Variants in PTPRD observed in about 807,000 individuals in gnomAD.
PTPRD encodes the protein protein tyrosine phosphatase receptor type D, also known as receptor-type tyrosine-protein phosphatase delta.
In PTPRD, 34 loss-of-function variants were observed where a neutral mutation model predicts 214.5. The observed-to-expected ratio is 0.16, with a 90% CI of 0.12 to 0.21. The LOEUF (loss-of-function observed/expected upper bound fraction) is 0.21, where lower values mean the gene tolerates loss of function less well. PTPRD is among the 10% of genes least tolerant of loss of function. The probability of loss-of-function intolerance (pLI) is 1.00; values close to 1 mark genes in which losing one functional copy is unlikely to be tolerated. For synonymous variants in PTPRD, 1,128 were observed against 845.7 expected, an observed-to-expected ratio of 1.33 and a Z score of -5.79; for missense variants, 2,545 against 2,398.7, an observed-to-expected ratio of 1.06 and a Z score of -1.27.
At chr9:8,547,403 G>A (rs1334993097) in intron 14 of PTPRD, among the ~76,000 whole-genome samples, 2 of 152,156 alleles carry the variant, frequency 1.3e-5, no homozygotes, top group Admixed American at 1.3e-4. Context: ...AGCACTTTGG[G>A]AGGCCAAGGT....
At chr9:9,560,380 A>G (rs533365399) in intron 8 of PTPRD, among the ~76,000 whole-genome samples, 1 of 152,354 alleles carries the variant, frequency 6.6e-6, no homozygotes, top group South Asian at 2.1e-4. Flanking sequence ...GGGACTAGGC[A>G]TGTATTTCCC....
At chr9:9,423,506 G>T (rs1217165637) in intron 8 of PTPRD, among the ~76,000 whole-genome samples, 1 of 152,098 alleles carries the variant, frequency 6.6e-6, no homozygotes, top group Non-Finnish European at 1.5e-5. Context: ...ACAACCTAGG[G>T]TAGAGAATTA....
chr9:9,364,395 T>C (rs746336235), intron 9 of PTPRD, among the ~76,000 whole-genome samples: 3 of 151,352 alleles, frequency 2.0e-5, no homozygotes, highest in Non-Finnish European at 1.5e-5. Flanking sequence ...ATGTCAGATA[T>C]TGGTGAGTGT....
At chr9:10,144,126 T>C (rs925385068) in intron 3 of PTPRD, among the ~76,000 whole-genome samples, 2 of 152,118 alleles carry the variant, frequency 1.3e-5, no homozygotes, top group African/African-American at 2.4e-5. Flanking sequence ...TAAAAATAAA[T>C]AGAGAATAAA....
At chr9:9,990,998 G>T (rs578007048) in intron 4 of PTPRD, among the ~76,000 whole-genome samples, 72 of 149,932 alleles carry the variant, frequency 4.8e-4, no homozygotes, top group Middle Eastern at 3.5e-3. Context: ...GCAGTGGCGT[G>T]ATCTCGGCTC....
intron 7 of PTPRD, among the ~76,000 whole-genome samples, chr9:9,647,499 G>A (rs1447440295): frequency 6.6e-6 from 1 of 152,084 alleles, no homozygotes; most frequent in Non-Finnish European, 1.5e-5. Flanking sequence ...GAATATGTGT[G>A]CTTACTTTTG....
intron 10 of PTPRD, among the ~76,000 whole-genome samples, chr9:9,180,341 G>C (rs868041997): frequency 6.6e-6 from 1 of 150,570 alleles, no homozygotes; most frequent in African/African-American, 2.4e-5. Flanking sequence ...GCAAACTATC[G>C]CAAGGACAAA....
intron 2 of PTPRD, among the ~76,000 whole-genome samples, chr9:10,398,002 A>G (rs750719224): frequency 2.0e-5 from 3 of 151,830 alleles, no homozygotes; most frequent in Non-Finnish European, 2.9e-5. Flanking sequence ...AATTGTATGC[A>G]TCATCCATTG....
chr9:9,740,358 AC>A (rs2098381371), intron 6 of PTPRD, among the ~76,000 whole-genome samples: 2 of 136,584 alleles, frequency 1.5e-5, no homozygotes, highest in Admixed American at 7.2e-5. Flanking sequence ...CTCTAAAACT[AC>A]TATTTTTTTT....
intron 10 of PTPRD, among the ~76,000 whole-genome samples, chr9:9,081,329 T>C (rs113138178): frequency 1.3e-5 from 2 of 152,276 alleles, no homozygotes; most frequent in African/African-American, 4.8e-5. Flanking sequence ...TAATCTTGAG[T>C]TCTAATTTGA....
chr9:10,604,176 T>A (rs2078699546), intron 2 of PTPRD, among the ~76,000 whole-genome samples: 1 of 668 alleles, frequency 1.5e-3, no homozygotes, highest in African/African-American at 1.9e-3. Flanking sequence ...TATTCTGACC[T>A]ATTCTGACCA....
chr9:8,506,716 T>G (rs945732174), intron 22 of PTPRD, among the ~76,000 whole-genome samples: 12 of 152,230 alleles, frequency 7.9e-5, no homozygotes, highest in Non-Finnish European at 2.9e-5. Flanking sequence ...ATATTGATTT[T>G]CATTTCTCTT....
chr9:8,806,059 G>A (rs943524590), intron 11 of PTPRD, among the ~76,000 whole-genome samples: 5 of 151,352 alleles, frequency 3.3e-5, no homozygotes, highest in African/African-American at 1.2e-4. Context: ...GAGTAGCTGG[G>A]ATTACAGGTG....
At chr9:9,587,554 G>C (rs2092197506) in intron 7 of PTPRD, among the ~76,000 whole-genome samples, 1 of 134,084 alleles carries the variant, frequency 7.5e-6, no homozygotes, top group Non-Finnish European at 1.7e-5. Context: ...AGACCAGTTT[G>C]CTTCCTTCTA....
At chr9:8,561,243 A>G (rs2141266442) in intron 14 of PTPRD, among the ~76,000 whole-genome samples, 1 of 152,020 alleles carries the variant, frequency 6.6e-6, no homozygotes, top group South Asian at 2.1e-4. Flanking sequence ...ATATTCACAT[A>G]CCAATCAGCA....
At chr9:9,961,155 C>T (rs929475646) in intron 4 of PTPRD, among the ~76,000 whole-genome samples, 2 of 152,032 alleles carry the variant, frequency 1.3e-5, no homozygotes, top group Non-Finnish European at 2.9e-5. Flanking sequence ...CATATATATG[C>T]ATATATTTAA....
At chr9:8,440,326 T>G (rs1024562498) in intron 34 of PTPRD, among the ~76,000 whole-genome samples, 6 of 152,004 alleles carry the variant, frequency 3.9e-5, no homozygotes, top group African/African-American at 1.2e-4. Context: ...ATTATTTTTT[T>G]TTTTTTTGAG....
At position 9,592,258 on chromosome 9, in the gene PTPRD, T is replaced by C. The variant is rs144199385; in HGVS notation, c.-286-17477A>G. On this transcript the variant is annotated intron_variant, in intron 7 of 45. Transcript: ENST00000381196. ...TAAATTATATCTTGTTCCATTTCCA[T>C]GCTGTAGATGAGTTTGTGTGAATGA... is the stretch of plus-strand genomic sequence containing the variant. 4.2e-3 allele frequency among the ~76,000 whole-genome samples: 641 copies of C among 152,176 alleles called. 3 individuals carry two copies. The highest frequency in any genetic ancestry group is 0.014 in the African/African-American group (601 of 41,552).
intron 11 of PTPRD, among the ~76,000 whole-genome samples, chr9:8,822,964 T>A (rs1422529488): frequency 1.3e-5 from 2 of 152,106 alleles, no homozygotes; most frequent in East Asian, 1.9e-4. Context: ...GAAAATAACA[T>A]TTCTGGTCAA....
Sources: allele counts gnomAD v4.1 joint callset (sites outside exome capture counted in the v4.1 genomes callset), GRCh38; gene constraint gnomAD v4.1.1; transcripts MANE v1.5; gene names NCBI Gene and HGNC (gene_info 2026-07-23, HGNC 2026-07-21).